The following COL5A1 variants were observed in gnomAD, a reference collection of about 807,000 sequenced individuals.
COL5A1 encodes collagen type V alpha 1 chain, also known as collagen alpha-1(V) chain.
COL5A1 carries 16 observed loss-of-function variants against 263.7 expected under a neutral mutation model. That is an observed-to-expected ratio of 0.06 (90% CI 0.04 to 0.09). COL5A1 has a LOEUF of 0.09. Ranked by LOEUF, COL5A1 falls within the 10% of genes least tolerant of loss-of-function variation. The pLI is 1.00. For synonymous variants in COL5A1, 1,012 were observed against 1,004.5 expected, an observed-to-expected ratio of 1.01 and a Z score of -0.14; for missense variants, 2,036 against 2,540.5, an observed-to-expected ratio of 0.80 and a Z score of 4.27.
intron 4 of COL5A1, among the ~76,000 whole-genome samples, chr9:134,723,372 C>T (rs1306253198): frequency 4.6e-5 from 7 of 152,298 alleles, no homozygotes; most frequent in Admixed American, 6.5e-5. Context: ...CGGCCAGGGA[C>T]GCCCCATGCT....
At position 134,794,205 on chromosome 9, in the gene COL5A1, C is replaced by A. The variant is rs1837815429; in HGVS notation, c.2701-877C>A. On this transcript the variant is annotated intron_variant, in intron 32 of 65. Coordinates refer to ENST00000371817, the MANE Select transcript of COL5A1 (RefSeq NM_000093.5). This position sits in a 1 kb window ranked among gnomAD's most constrained non-coding sequence, Gnocchi z 4.3. Reference sequence around the variant, plus strand: ...GGTGGCACACACCTGTAGTCTGTCCCAGCAACTCAGGAGGCTGAGGCAGGA... The same window carrying A: ...GGTGGCACACACCTGTAGTCTGTCCAAGCAACTCAGGAGGCTGAGGCAGGA... Among the ~76,000 whole-genome samples, 1 of 152,094 alleles carries A rather than the reference C, an allele frequency of 6.6e-6. No individual in the cohort carries two copies. The highest frequency in any genetic ancestry group is 2.4e-5 in the African/African-American group (1 of 41,412).
intron 19 of COL5A1, 35 bp downstream of exon 19, chr9:134,762,013 C>A: frequency 6.2e-7 from 1 of 1,604,466 alleles, no homozygotes; most frequent in Non-Finnish European, 8.5e-7. Context: ...CTGCTCCTGC[C>A]TGCCCTACTC....
rs576826696 is a variant in COL5A1, at chr9:134,663,937, A to G, written c.109+21641A>G. On this transcript the variant is annotated intron_variant, in intron 1 of 65. Coordinates refer to ENST00000371817, the MANE Select transcript of COL5A1 (RefSeq NM_000093.5). ...AGAGCTGCCACCACCGGAGGGTGCTAGAGGCCTTCTTGGGCTCTCCAGGGG... is the reference window on the plus strand; with the variant it reads ...AGAGCTGCCACCACCGGAGGGTGCTGGAGGCCTTCTTGGGCTCTCCAGGGG... Among the ~76,000 whole-genome samples, 9 of 152,314 alleles carry G rather than the reference A, an allele frequency of 5.9e-5. No homozygotes were observed. In the South Asian group the frequency reaches 1.0e-3, roughly 18 times the overall value.
chr9:134,780,641 G>A (rs946177486), intron 28 of COL5A1, among the ~76,000 whole-genome samples: 1 of 152,238 alleles, frequency 6.6e-6, no homozygotes, highest in African/African-American at 2.4e-5. Flanking sequence ...CATGGTCCGT[G>A]GGGGCAGGTC....
chr9:134,746,149 C>T (rs747902544), intron 11 of COL5A1, among the ~76,000 whole-genome samples: 1 of 152,202 alleles, frequency 6.6e-6, no homozygotes, highest in Non-Finnish European at 1.5e-5. Context: ...CGTACGTGTT[C>T]TGCACAGCCA....
At chr9:134,828,227 C>T (rs1839375255) in intron 63 of COL5A1, among the ~76,000 whole-genome samples, 1 of 152,158 alleles carries the variant, frequency 6.6e-6, no homozygotes, top group African/African-American at 2.4e-5. Context: ...ACCCATCCAT[C>T]CGTGGCGTCA....
chr9:134,711,148 T>G (rs552683559), intron 4 of COL5A1, among the ~76,000 whole-genome samples: 44 of 152,052 alleles, frequency 2.9e-4, no homozygotes, highest in Non-Finnish European at 5.4e-4. Flanking sequence ...AATTGTTCGG[T>G]CGGTGGTTTG....
intron 1 of COL5A1, among the ~76,000 whole-genome samples, chr9:134,648,319 A>T (rs1831546194): frequency 1.4e-5 from 2 of 145,890 alleles, no homozygotes; most frequent in African/African-American, 5.2e-5. Context: ...ATATATATAT[A>T]TTTCTATTAT....
At chr9:134,656,271 T>A (rs1025147608) in intron 1 of COL5A1, among the ~76,000 whole-genome samples, 13 of 152,186 alleles carry the variant, frequency 8.5e-5, no homozygotes, top group African/African-American at 3.1e-4. Flanking sequence ...GGTGGGGGCC[T>A]GTGCCTCCCT....
intron 22 of COL5A1, 54 bp from the exon 23 acceptor site, chr9:134,766,946 A>AG (rs1257181537): frequency 1.3e-6 from 2 of 1,533,228 alleles, no homozygotes; most frequent in Non-Finnish European, 1.8e-6. Flanking sequence ...ACACCCAGGA[A>AG]GGGGATACAG....
rs1375722764 is a variant in COL5A1, at chr9:134,686,715, G to A, written c.110-4197G>A. Among the ~76,000 whole-genome samples the A allele has an allele frequency of 6.6e-6, 1 of 152,196 alleles. No individual in the cohort carries two copies. The highest frequency in any genetic ancestry group is 1.5e-5 in the Non-Finnish European group (1 of 68,040). ...TACTTGTAACAGTGCAGGGGATGCA[G>A]GGGCCAACTTCTCTAACTCTGATCA... is the stretch of plus-strand genomic sequence containing the variant. On this transcript the variant is annotated intron_variant, in intron 1 of 65. Transcript: ENST00000371817. This position sits in a 1 kb window ranked among gnomAD's most constrained non-coding sequence, Gnocchi z 4.6.
At position 134,835,191 on chromosome 9, in the gene COL5A1, T is replaced by C. The variant is rs985523837; in HGVS notation, c.5357T>C (p.Val1786Ala). The stretch of plus-strand genomic sequence containing the variant: ...AACAACCCCTACATCCGCGCCCTGG[T>C]GGACGGCTGTGCTGTGAGTATCCCG... ...YDNNPYIRALVDGCATKKGYQ... is the reference protein window; with the variant it reads ...YDNNPYIRALADGCATKKGYQ... The change falls in exon 65 of 66, where the codon GTG (valine) becomes GCG (alanine). Residue 1786 changes from valine to alanine, a missense_variant. Val to Ala is a moderately conservative substitution (Grantham distance 64). Transcript: ENST00000371817. 3.7e-6 allele frequency: 6 copies of C among 1,613,510 alleles called. No homozygotes were observed. Among genetic ancestry groups the C allele is most frequent in the Non-Finnish European group, 5.1e-6 (6 of 1,179,948 alleles).
intron 65 of COL5A1, among the ~76,000 whole-genome samples, chr9:134,836,037 A>G (rs1839843373): frequency 6.6e-6 from 1 of 152,298 alleles, no homozygotes; most frequent in South Asian, 2.1e-4. Context: ...TCTTCCTGTC[A>G]CTGACATTGG....
chr9:134,732,549 T>G, intron 9 of COL5A1: 1 of 302,946 alleles, frequency 3.3e-6, no homozygotes. Flanking sequence ...TAACACGTGG[T>G]CGTACCTCTC....
intron 4 of COL5A1, among the ~76,000 whole-genome samples, chr9:134,722,181 C>T (rs1428180042): frequency 6.6e-6 from 1 of 152,196 alleles, no homozygotes; most frequent in Non-Finnish European, 1.5e-5. Context: ...AGGGGGTTCT[C>T]GAAGTGAAGG....
intron 25 of COL5A1, among the ~76,000 whole-genome samples, chr9:134,772,439 A>G (rs1193863117): frequency 6.6e-6 from 1 of 152,172 alleles, no homozygotes; most frequent in African/African-American, 2.4e-5. Context: ...CCTGCACTGG[A>G]GGGCGGGCTG....
intron 4 of COL5A1, among the ~76,000 whole-genome samples, chr9:134,717,656 T>A (rs1378477986): frequency 6.6e-6 from 1 of 152,230 alleles, no homozygotes; most frequent in Non-Finnish European, 1.5e-5. Flanking sequence ...GGCCTGGCAG[T>A]GGCAGAACAA....
chr9:134,813,883 C>A, intron 48 of COL5A1, 100 bp from the exon 49 acceptor site: 1 of 1,343,216 alleles, frequency 7.4e-7, no homozygotes, highest in Non-Finnish European at 1.0e-6. Flanking sequence ...TGCCCAGGGG[C>A]AGGCAGACAG....
chr9:134,785,921 C>A, intron 30 of COL5A1, 74 bp from the exon 31 acceptor site: 1 of 1,411,280 alleles, frequency 7.1e-7, no homozygotes, highest in Non-Finnish European at 9.9e-7. Flanking sequence ...GAACGCATGT[C>A]CTTTCTCTCT....
Sources: allele counts gnomAD v4.1 joint callset (sites outside exome capture counted in the v4.1 genomes callset), GRCh38; gene constraint gnomAD v4.1.1; non-coding constraint Gnocchi (gnomAD v3.1); transcripts MANE v1.5; gene names NCBI Gene and HGNC (gene_info 2026-07-23, HGNC 2026-07-21).